CHRM3: variants seen among roughly 807,000 people sequenced by gnomAD.
CHRM3 encodes cholinergic receptor muscarinic 3.
Under a neutral mutation model 41.8 loss-of-function variants are expected in CHRM3, and 11 were observed. The ratio of observed to expected loss-of-function variants is 0.26; its 90% confidence interval spans 0.17 to 0.44. The LOEUF (loss-of-function observed/expected upper bound fraction) is 0.44, where lower values mean the gene tolerates loss of function less well. Among genes scored for constraint, CHRM3 ranks in the 20% least tolerant of loss-of-function variants. The pLI is 1.00. For missense variants in CHRM3, 571 were observed against 745.4 expected, an observed-to-expected ratio of 0.77 and a Z score of 2.72; for synonymous variants, 297 against 301.4, an observed-to-expected ratio of 0.99 and a Z score of 0.15.
At chr1:239,404,238 G>A (rs1387426185) in intron 1 of CHRM3, among the ~76,000 whole-genome samples, 3 of 149,254 alleles carry the variant, frequency 2.0e-5, no homozygotes, top group Admixed American at 6.7e-5. Context: ...GCAGTGAGCC[G>A]AGATCGCACC....
intron 5 of CHRM3, chr1:239,703,072 G>A (rs1167373271): frequency 6.6e-6 from 1 of 152,054 alleles, no homozygotes; most frequent in Non-Finnish European, 1.5e-5. Flanking sequence ...CCAACTTTAG[G>A]CTTTATGGCA....
At chr1:239,417,579 G>GTTTTTTTTTTTTTTTTTTTTT (rs34926014) in intron 1 of CHRM3, among the ~76,000 whole-genome samples, 6 of 122,664 alleles carry the variant, frequency 4.9e-5, no homozygotes, top group Admixed American at 8.7e-5. Context: ...AGATTAATTT[G>GTTTTTTTTTTTTTTTTTTTTT]TTTTTTTTTT....
chr1:239,441,698 A>C (rs993729248), intron 1 of CHRM3, among the ~76,000 whole-genome samples: 1 of 150,430 alleles, frequency 6.6e-6, no homozygotes, highest in African/African-American at 2.5e-5. Flanking sequence ...GATTCTTTCA[A>C]ATAAGCCCTT....
rs1243162905 is a variant in CHRM3 at position 239,439,175 on chromosome 1, T to C, written c.-521+51948T>C. 3.3e-5 allele frequency among the ~76,000 whole-genome samples: 5 copies of C among 152,296 alleles called. No individual in the cohort carries two copies. In the East Asian group the frequency reaches 9.7e-4, roughly 29 times the overall value. The stretch of plus-strand genomic sequence containing the variant: ...GGCCAGAGATTCCTCTGAAGGTCTT[T>C]GAATATTGGTCAGTAAAAATACTTT... On this transcript the variant is annotated intron_variant, in intron 1 of 6. Coordinates refer to ENST00000676153, the MANE Select transcript of CHRM3 (RefSeq NM_001375978.1).
intron 1 of CHRM3, among the ~76,000 whole-genome samples, chr1:239,394,850 C>T (rs1659343079): frequency 6.6e-6 from 1 of 152,158 alleles, no homozygotes; most frequent in Non-Finnish European, 1.5e-5. Context: ...TCAACCTGGT[C>T]CTATGTGCCA....
At chr1:239,858,867 T>C (rs1238443382) in intron 6 of CHRM3, among the ~76,000 whole-genome samples, 1 of 152,218 alleles carries the variant, frequency 6.6e-6, no homozygotes, top group East Asian at 1.9e-4. Flanking sequence ...TATGTGACCA[T>C]TGGTGTCTAG....
chr1:239,871,232 A>G (rs2149321703), intron 6 of CHRM3, among the ~76,000 whole-genome samples: 2 of 152,110 alleles, frequency 1.3e-5, no homozygotes, highest in Middle Eastern at 6.8e-3. Flanking sequence ...AGGGTATAGG[A>G]TTGCCATATT....
chr1:239,444,173 G>A (rs1401998448), intron 1 of CHRM3, among the ~76,000 whole-genome samples: 2 of 151,996 alleles, frequency 1.3e-5, no homozygotes, highest in East Asian at 3.9e-4. Flanking sequence ...GCTGGCTGTG[G>A]GTCTTTGTTC....
chr1:239,560,300 G>GA (rs1447242990), intron 3 of CHRM3, among the ~76,000 whole-genome samples: 1 of 152,002 alleles, frequency 6.6e-6, no homozygotes. Context: ...CTCATACGCT[G>GA]ATGTTTTTTA....
chr1:239,733,917 C>T (rs1273706385), intron 5 of CHRM3, among the ~76,000 whole-genome samples: 10 of 151,990 alleles, frequency 6.6e-5, no homozygotes, highest in Admixed American at 6.6e-4. Context: ...ACATATTAAA[C>T]TTGATTCTAG....
At chr1:239,437,639 C>T (rs529210742) in intron 1 of CHRM3, among the ~76,000 whole-genome samples, 3 of 152,246 alleles carry the variant, frequency 2.0e-5, no homozygotes, top group South Asian at 2.1e-4. Context: ...CGAGTTCAAG[C>T]GATTCTCCTA....
chr1:239,784,492 A>G (rs1231939055), intron 5 of CHRM3, among the ~76,000 whole-genome samples: 1 of 152,078 alleles, frequency 6.6e-6, no homozygotes, highest in Non-Finnish European at 1.5e-5. Context: ...ACACTATACC[A>G]CTTTGTGGTG....
intron 1 of CHRM3, among the ~76,000 whole-genome samples, chr1:239,409,868 G>A (rs1368541750): frequency 1.3e-5 from 2 of 152,196 alleles, no homozygotes; most frequent in Non-Finnish European, 2.9e-5. Context: ...CTTGAACTGG[G>A]AGGCGGAGGT....
intron 4 of CHRM3, among the ~76,000 whole-genome samples, chr1:239,644,386 C>G (rs1338279314): frequency 6.6e-6 from 1 of 151,472 alleles, no homozygotes; most frequent in East Asian, 2.0e-4. Flanking sequence ...CCAGGGTCCT[C>G]AGCCTCAGAG....
intron 5 of CHRM3, among the ~76,000 whole-genome samples, chr1:239,691,993 T>C (rs1281947042): frequency 6.6e-6 from 1 of 152,192 alleles, no homozygotes; most frequent in Non-Finnish European, 1.5e-5. Context: ...GAATTAGCGA[T>C]TTTAAATGTC....
chr1:239,567,214 C>T (rs1661435933), intron 3 of CHRM3, among the ~76,000 whole-genome samples: 1 of 151,510 alleles, frequency 6.6e-6, no homozygotes, highest in Admixed American at 6.6e-5. Context: ...TGGCATGCAC[C>T]TGAATGTCCC....
chr1:239,565,063 A>G (rs1661223307), intron 3 of CHRM3, among the ~76,000 whole-genome samples: 2 of 152,100 alleles, frequency 1.3e-5, no homozygotes, highest in African/African-American at 4.8e-5. Context: ...CTCCGCTTCC[A>G]TATTCAATAT....
chr1:239,809,680 G>T lies in CHRM3; in HGVS notation c.-146-17572G>T, dbSNP rs149607823. On this transcript the variant is annotated intron_variant, in intron 5 of 6. Coordinates refer to ENST00000676153, the MANE Select transcript of CHRM3 (RefSeq NM_001375978.1). The stretch of plus-strand genomic sequence containing the variant: ...ACCTGACTAATTTTTAATTTTTTTT[G>T]TACAGACAGGGTCTCCCTATGTTGC... 1.8e-4 allele frequency among the ~76,000 whole-genome samples: 28 copies of T among 151,734 alleles called. No individual in the cohort carries two copies. In the South Asian group the frequency reaches 5.0e-3, roughly 27 times the overall value.
chr1:239,906,852 G>T (rs568718267), intron 6 of CHRM3, among the ~76,000 whole-genome samples: 1 of 152,124 alleles, frequency 6.6e-6, no homozygotes, highest in Non-Finnish European at 1.5e-5. Context: ...TACAAGGAAC[G>T]GATGTCTTAC....
Sources: allele counts gnomAD v4.1 joint callset (sites outside exome capture counted in the v4.1 genomes callset), GRCh38; gene constraint gnomAD v4.1.1; transcripts MANE v1.5; gene names NCBI Gene and HGNC (gene_info 2026-07-23, HGNC 2026-07-21).